Variants in JPH3 observed in about 807,000 individuals in gnomAD.
JPH3 encodes the protein junctophilin 3, also known as junctophilin-3.
Under a neutral mutation model 59.6 loss-of-function variants are expected in JPH3, and 11 were observed. The ratio of observed to expected loss-of-function variants is 0.18; its 90% CI spans 0.12 to 0.31. The LOEUF is 0.31. JPH3 is among the 10% of genes least tolerant of loss of function. The pLI is 1.00. For synonymous variants in JPH3, 673 were observed against 483.6 expected (o/e 1.39, Z -5.14); for missense variants, 1,202 against 1,105.7 (o/e 1.09, Z -1.24).
At chr16:87,631,032 T>A (rs2031549868) in intron 1 of JPH3, among the ~76,000 whole-genome samples, 1 of 152,222 alleles carries the variant, frequency 6.6e-6, no homozygotes, top group South Asian at 2.1e-4. Context: ...TCAGTTGCAA[T>A]TTTCTTTAAA....
chr16:87,619,684 G>A (rs949024123), intron 1 of JPH3, among the ~76,000 whole-genome samples: 2 of 152,212 alleles, frequency 1.3e-5, no homozygotes, highest in Non-Finnish European at 2.9e-5. Flanking sequence ...CACGGAGTCT[G>A]GGGGGATGTT....
At chr16:87,641,774 G>A (rs1487519448) in intron 1 of JPH3, among the ~76,000 whole-genome samples, 2 of 152,366 alleles carry the variant, frequency 1.3e-5, no homozygotes, top group African/African-American at 4.8e-5. Context: ...ATCTTTGCAC[G>A]CCCCTTCTCT....
chr16:87,605,009 A>C (rs1033290610), intron 1 of JPH3: 3 of 444,628 alleles, frequency 6.7e-6, no homozygotes, highest in Non-Finnish European at 1.4e-5. Flanking sequence ...GCGTGCAGGC[A>C]CAGGGAGGCC....
At chr16:87,663,115 C>CTTTTTTTTTTTTTTTTTTTTT (rs60196379) in intron 2 of JPH3, among the ~76,000 whole-genome samples, 2 of 143,436 alleles carry the variant, frequency 1.4e-5, no homozygotes, top group Non-Finnish European at 1.5e-5. Context: ...TAATTTCTTT[C>CTTTTTTTTTTTTTTTTTTTTT]TTTTTTTTTT....
intron 1 of JPH3, among the ~76,000 whole-genome samples, chr16:87,642,780 C>T (rs988414168): frequency 6.6e-6 from 1 of 152,246 alleles, no homozygotes; most frequent in Non-Finnish European, 1.5e-5. Flanking sequence ...TTCCACTCTA[C>T]AGACGAGGAC....
chr16:87,608,928 T>G lies in JPH3; in HGVS notation c.382+5400T>G, dbSNP rs532172156. Among the ~76,000 whole-genome samples the G allele has an allele frequency of 3.9e-5, 6 of 152,298 alleles. No individual in the cohort carries two copies. The East Asian group carries it at 1.2e-3, about 29-fold the overall frequency. On this transcript the variant is annotated intron_variant, in intron 1 of 4. Transcript: ENST00000284262. ...TGCTGCACGCCTGTGGTCCCACCAC[T>G]CAGGAGGCTGAGGTGAGAGGATCGC...
chr16:87,695,212 C>G (rs1189770719), intron 4 of JPH3: 3 of 422,606 alleles, frequency 7.1e-6, no homozygotes, highest in East Asian at 1.4e-4. Context: ...CAGGCCTGAG[C>G]AGCCCTCACC....
At chr16:87,677,125 A>G (rs138382881) in intron 2 of JPH3, among the ~76,000 whole-genome samples, 7 of 147,654 alleles carry the variant, frequency 4.7e-5, no homozygotes, top group East Asian at 4.0e-4. Context: ...TGCCACTGCA[A>G]TCCAGCCTAG....
chr16:87,656,793 A>G (rs1314542762), intron 2 of JPH3, among the ~76,000 whole-genome samples: 1 of 152,156 alleles, frequency 6.6e-6, no homozygotes, highest in East Asian at 1.9e-4. Flanking sequence ...CCATAACAAA[A>G]TACGATAGAG....
At chr16:87,607,186 C>T (rs2030553120) in intron 1 of JPH3, among the ~76,000 whole-genome samples, 2 of 152,240 alleles carry the variant, frequency 1.3e-5, no homozygotes, top group Non-Finnish European at 2.9e-5. Context: ...GCCCAGGACC[C>T]CTGGCCCCCT....
At chr16:87,677,859 G>C (rs1281249528) in intron 2 of JPH3, among the ~76,000 whole-genome samples, 1 of 152,252 alleles carries the variant, frequency 6.6e-6, no homozygotes, top group Admixed American at 6.5e-5. Context: ...TAAAGCCGGA[G>C]GCCTGAGATT....
In JPH3 at chr16:87,696,753, G is replaced by T. The variant is rs1221754000; in HGVS notation, c.*93G>T. ...CACAAGAAGGGAAAGACCGCAACTC[G>T]GACAGCCCAGCGACTTCCAAGTCCT... is the stretch of plus-strand genomic sequence containing the variant. On this transcript the variant is annotated 3_prime_UTR_variant, in exon 5 of 5. Coordinates refer to ENST00000284262, the MANE Select transcript of JPH3 (RefSeq NM_020655.4). 5 of 1,001,060 alleles carry T rather than the reference G, an allele frequency of 5.0e-6. No homozygotes were observed. In the East Asian group the frequency reaches 9.8e-5, roughly 20 times the overall value. The allele number at this position is 1,001,060 out of a possible 1,614,324, so 62.0% of individuals were successfully genotyped here. A position where few individuals can be genotyped will look rare whatever the true frequency, so the allele number is the denominator to read the frequency against.
At chr16:87,645,171 T>C (rs2032104563) in intron 2 of JPH3, 136 bp downstream of exon 2, 3 of 907,630 alleles carry the variant, frequency 3.3e-6, no homozygotes, top group Non-Finnish European at 4.9e-6. Flanking sequence ...TCTCAAACTA[T>C]GCCCCCATGG....
chr16:87,693,043 G>A (rs116410340), intron 4 of JPH3, among the ~76,000 whole-genome samples: 2 of 152,228 alleles, frequency 1.3e-5, no homozygotes, highest in East Asian at 1.9e-4. Context: ...CTGCAGGCTG[G>A]CCCGGCCCAA....
At chr16:87,605,823 C>A (rs752614905) in intron 1 of JPH3, among the ~76,000 whole-genome samples, 1 of 152,198 alleles carries the variant, frequency 6.6e-6, no homozygotes, top group African/African-American at 2.4e-5. Context: ...ATCACATTGC[C>A]GGAAGAAGCC....
intron 1 of JPH3, among the ~76,000 whole-genome samples, chr16:87,626,922 C>T (rs1462340172): frequency 6.6e-6 from 1 of 152,192 alleles, no homozygotes; most frequent in East Asian, 1.9e-4. Context: ...GGAAGGATCT[C>T]TTGAGGCCAG....
chr16:87,663,952 G>C (rs1006289276), intron 2 of JPH3, among the ~76,000 whole-genome samples: 2 of 152,212 alleles, frequency 1.3e-5, no homozygotes, highest in Non-Finnish European at 2.9e-5. Context: ...CAGACGTCGA[G>C]TTGTGGTGGA....
intron 1 of JPH3, among the ~76,000 whole-genome samples, chr16:87,620,299 G>T (rs1301806469): frequency 1.3e-5 from 2 of 151,212 alleles, no homozygotes; most frequent in African/African-American, 2.4e-5. Context: ...TGGGGCTGCA[G>T]CGACAGTGAC....
chr16:87,674,058 G>T (rs1417016031), intron 2 of JPH3, among the ~76,000 whole-genome samples: 1 of 151,072 alleles, frequency 6.6e-6, no homozygotes, highest in East Asian at 1.9e-4. Flanking sequence ...AAACAGGCCA[G>T]GCGCAGTGGC....
Sources: allele counts gnomAD v4.1 joint callset (sites outside exome capture counted in the v4.1 genomes callset), GRCh38; gene constraint gnomAD v4.1.1; transcripts MANE v1.5; gene names NCBI Gene and HGNC (gene_info 2026-07-23, HGNC 2026-07-21).